TEX2: variants seen among roughly 807,000 people sequenced by gnomAD.
TEX2 encodes the protein testis expressed 2.
Under a neutral mutation model 106.9 loss-of-function variants are expected in TEX2, and 53 were observed. The observed-to-expected ratio is 0.50, with a 90% confidence interval of 0.40 to 0.62. TEX2 has a LOEUF of 0.62. Ranked by LOEUF, TEX2 falls within the 20% of genes least tolerant of loss-of-function variation. The probability of loss-of-function intolerance (pLI) is 0.00; values close to 1 mark genes in which losing one functional copy is unlikely to be tolerated. For missense variants in TEX2, 1,207 were observed against 1,379.0 expected (o/e 0.88, Z 1.98); for synonymous variants, 523 against 534.8 (o/e 0.98, Z 0.30).
chr17:64,249,051 A>C, intron 1 of TEX2, among the ~76,000 whole-genome samples: 1 of 151,540 alleles, frequency 6.6e-6, no homozygotes. Flanking sequence ...AAAAAAAAAA[A>C]GGAAAAAACA....
At position 64,177,409 on chromosome 17, in the gene TEX2, T is replaced by C; in HGVS notation, c.2487A>G (p.Gly829=). The change falls in exon 6 of 12, where the codon GGA becomes GGG. Residue 829 remains glycine, a synonymous_variant. Transcript: ENST00000584379. ...CTCCTAAGAAGTCCCAAAATATTCT[T>C]CCAAGCAAGGCATTCACCCAGGCTT... ...EQEAWVNALL[G]RIFWDFLGEK... 3 of 1,614,204 alleles carry C rather than the reference T, an allele frequency of 1.9e-6. No individual in the cohort carries two copies. The highest frequency in any genetic ancestry group is 2.5e-6 in the Non-Finnish European group (3 of 1,180,024).
chr17:64,201,093 C>T (rs2032645220), intron 2 of TEX2, among the ~76,000 whole-genome samples: 1 of 152,196 alleles, frequency 6.6e-6, no homozygotes, highest in African/African-American at 2.4e-5. Context: ...TCCAATTACA[C>T]AAAAGACTGC....
chr17:64,254,163 C>A (rs1344004367), intron 1 of TEX2, among the ~76,000 whole-genome samples: 1 of 152,228 alleles, frequency 6.6e-6, no homozygotes, highest in African/African-American at 2.4e-5. Flanking sequence ...ATTCACTCCT[C>A]ATTTCATAAT....
rs2030087297 is a variant in TEX2, at chr17:64,147,359, GGC to G, written c.*1608_*1609del. 1 of 152,086 alleles carries G rather than the reference GGC, an allele frequency of 6.6e-6. No individual in the cohort carries two copies. 9.4% of individuals were successfully genotyped at this position (152,086 alleles called of 1,614,324 possible). On this transcript the variant is annotated 3_prime_UTR_variant, in exon 12 of 12. Coordinates refer to ENST00000584379, the MANE Select transcript of TEX2 (RefSeq NM_001288732.2). ...ATGAAAGCTGCGATTGCCAGGTGAGGGCCCCGGTGCTCTGTACTCATTTTATT... is the reference window on the plus strand; with the variant it reads ...ATGAAAGCTGCGATTGCCAGGTGAGGCCCGGTGCTCTGTACTCATTTTATT...
Position 64,227,220 on chromosome 17 carries a change from G to A in TEX2, c.-25-12978C>T, listed in dbSNP as rs1053486100. Among the ~76,000 whole-genome samples the A allele has an allele frequency of 3.7e-4, 41 of 112,308 alleles. 1 individual carries two copies. Among genetic ancestry groups the A allele is most frequent in the African/African-American group, 1.2e-3 (41 of 34,582 alleles). The allele number at this position is 112,308 out of a possible 152,430, so 73.7% of individuals were successfully genotyped here. ...CAGCCTGGTGACAGAGTGAGACTCCGTATCAAAAAAAAAAAAAAAGAAAAT... is the reference window on the plus strand; with the variant it reads ...CAGCCTGGTGACAGAGTGAGACTCCATATCAAAAAAAAAAAAAAAGAAAAT... On this transcript the variant is annotated intron_variant, in intron 1 of 11. Transcript: ENST00000584379.
chr17:64,256,466 T>C (rs1322964433), intron 1 of TEX2, among the ~76,000 whole-genome samples: 2 of 152,102 alleles, frequency 1.3e-5, no homozygotes, highest in Non-Finnish European at 2.9e-5. Flanking sequence ...CCTTCCCATA[T>C]TCCCCTCTCT....
chr17:64,162,900 C>G (rs2030950347), intron 7 of TEX2, among the ~76,000 whole-genome samples: 1 of 152,192 alleles, frequency 6.6e-6, no homozygotes, highest in African/African-American at 2.4e-5. Context: ...TTCACCAGCC[C>G]ACCCTTACTT....
chr17:64,190,859 G>A (rs1024392895), intron 4 of TEX2, among the ~76,000 whole-genome samples: 2 of 152,188 alleles, frequency 1.3e-5, no homozygotes, highest in Non-Finnish European at 2.9e-5. Flanking sequence ...CGTGTTGCTA[G>A]AGAAATCTAT....
intron 1 of TEX2, among the ~76,000 whole-genome samples, chr17:64,253,746 C>T (rs2034135560): frequency 6.6e-6 from 1 of 151,994 alleles, no homozygotes; most frequent in Non-Finnish European, 1.5e-5. Flanking sequence ...ATGTCAATTA[C>T]CTCTGGCAGA....
intron 7 of TEX2, among the ~76,000 whole-genome samples, chr17:64,162,777 T>A (rs1316582536): frequency 1.3e-5 from 2 of 152,184 alleles, no homozygotes; most frequent in South Asian, 4.1e-4. Flanking sequence ...TTCACTTCTG[T>A]GCCATCAGTA....
chr17:64,206,125 T>A (rs1160936907), intron 2 of TEX2, among the ~76,000 whole-genome samples: 1 of 152,220 alleles, frequency 6.6e-6, no homozygotes, highest in East Asian at 1.9e-4. Context: ...CAAGTGCAGT[T>A]TGCTGACTCT....
rs1292051072 is a variant in TEX2 at position 64,147,530 on chromosome 17, G to A, written c.*1439C>T. ...ATTAAGTGCAACATGGTACAGTCATGTGTAATCTCTTTACACGATAGTGCA... is the reference window on the plus strand; with the variant it reads ...ATTAAGTGCAACATGGTACAGTCATATGTAATCTCTTTACACGATAGTGCA... On this transcript the variant is annotated 3_prime_UTR_variant, in exon 12 of 12. Coordinates refer to ENST00000584379, the MANE Select transcript of TEX2 (RefSeq NM_001288732.2). 3.3e-5 allele frequency: 5 copies of A among 152,342 alleles called. No homozygotes were observed. The highest frequency in any genetic ancestry group is 2.0e-4 in the Admixed American group (3 of 15,278). The allele number at this position is 152,342 out of a possible 1,614,324, so 9.4% of individuals were successfully genotyped here. A position where few individuals can be genotyped will look rare whatever the true frequency, so the allele number is the denominator to read the frequency against.
intron 5 of TEX2, among the ~76,000 whole-genome samples, chr17:64,187,214 G>A (rs187190451): frequency 5.1e-4 from 77 of 152,262 alleles, no homozygotes; most frequent in African/African-American, 1.7e-3. Context: ...GTCCGTGTCC[G>A]GTTACACTTT....
intron 1 of TEX2, among the ~76,000 whole-genome samples, chr17:64,218,410 T>C: frequency 3.6e-5 from 1 of 27,828 alleles, no homozygotes; most frequent in African/African-American, 6.7e-5. Flanking sequence ...TTTCACTTTT[T>C]TTTTTTTTTT....
intron 1 of TEX2, among the ~76,000 whole-genome samples, chr17:64,233,741 C>T (rs572839538): frequency 5.3e-5 from 8 of 152,346 alleles, no homozygotes; most frequent in African/African-American, 1.7e-4. Flanking sequence ...TGCTTTCTAA[C>T]AGGCTATTGC....
At chr17:64,164,124 T>C (rs1880594) in intron 7 of TEX2, among the ~76,000 whole-genome samples, 80,049 of 151,864 alleles carry the variant, frequency 0.53, 22,929 homozygotes, top group East Asian at 0.83. Flanking sequence ...GGCACCCGAT[T>C]ATTAACGAGC....
chr17:64,251,553 C>T (rs570889650), intron 1 of TEX2, among the ~76,000 whole-genome samples: 22 of 152,276 alleles, frequency 1.4e-4, no homozygotes, highest in African/African-American at 5.1e-4. Context: ...TCAAGTCCTT[C>T]GATTTCCTAT....
At chr17:64,215,115 C>G (rs184620339) in intron 1 of TEX2, among the ~76,000 whole-genome samples, 1 of 152,310 alleles carries the variant, frequency 6.6e-6, no homozygotes, top group East Asian at 1.9e-4. Flanking sequence ...TTAGCTGGAA[C>G]GAAGTCAGAA....
At chr17:64,162,303 G>T (rs927468320) in intron 7 of TEX2, among the ~76,000 whole-genome samples, 1 of 152,086 alleles carries the variant, frequency 6.6e-6, no homozygotes, top group Non-Finnish European at 1.5e-5. Context: ...ATCACTTCAG[G>T]AGAAAGGGGA....
Sources: gnomAD v4.1 joint callset for allele counts (sites outside exome capture counted in the v4.1 genomes callset) on GRCh38, gnomAD v4.1.1 for gene constraint, MANE v1.5 for transcripts, NCBI Gene and HGNC (gene_info 2026-07-23, HGNC 2026-07-21) for gene names.